The following MAGI2 variants were observed in gnomAD, a reference collection of about 807,000 sequenced individuals.
MAGI2 encodes membrane-associated guanylate kinase, WW and PDZ domain-containing protein 2.
A neutral mutation model predicts 133.3 loss-of-function variants in MAGI2; 35 were observed. That is an observed-to-expected ratio of 0.26 (90% confidence interval 0.20 to 0.35). MAGI2 has a LOEUF of 0.35. MAGI2 is among the 10% of genes least tolerant of loss of function. The probability of loss-of-function intolerance (pLI) is 1.00; values close to 1 mark genes in which losing one functional copy is unlikely to be tolerated. For missense variants in MAGI2, 1,636 were observed against 1,863.4 expected (o/e 0.88, Z 2.25); for synonymous variants, 729 against 710.6 (o/e 1.03, Z -0.41).
chr7:79,267,927 A>G (rs905399183), intron 1 of MAGI2, among the ~76,000 whole-genome samples: 1 of 152,164 alleles, frequency 6.6e-6, no homozygotes, highest in African/African-American at 2.4e-5. Flanking sequence ...TTCTCTTTGG[A>G]AATTAAATGG....
intron 2 of MAGI2, among the ~76,000 whole-genome samples, chr7:78,815,539 G>A (rs905687620): frequency 6.6e-6 from 1 of 151,826 alleles, no homozygotes; most frequent in Non-Finnish European, 1.5e-5. Context: ...AAGGTTTGTG[G>A]CAACTTTTCA....
At chr7:78,397,366 TACACACACACACACAC>T (rs71085528) in intron 6 of MAGI2, among the ~76,000 whole-genome samples, 3 of 147,704 alleles carry the variant, frequency 2.0e-5, no homozygotes, top group South Asian at 2.1e-4. Flanking sequence ...TTGAAATTCC[TACACACACACACACAC>T]ACACACACAC....
At chr7:78,344,262 A>G (rs544022436) in intron 8 of MAGI2, among the ~76,000 whole-genome samples, 37 of 152,200 alleles carry the variant, frequency 2.4e-4, no homozygotes, top group Non-Finnish European at 4.9e-4. Context: ...GGCTGTGTCA[A>G]CAGGCTGCCA....
At chr7:78,714,620 G>A (rs890880759) in intron 2 of MAGI2, among the ~76,000 whole-genome samples, 6 of 152,188 alleles carry the variant, frequency 3.9e-5, no homozygotes, top group Admixed American at 6.5e-5. Context: ...GTACCAGGGA[G>A]CAGAGTGTGT....
At chr7:79,003,538 T>A (rs2116484362) in intron 2 of MAGI2, among the ~76,000 whole-genome samples, 1 of 152,314 alleles carries the variant, frequency 6.6e-6, no homozygotes, top group African/African-American at 2.4e-5. Flanking sequence ...CCTTCTACGC[T>A]GCTGGGTTCA....
chr7:79,152,823 T>C lies in MAGI2; in HGVS notation c.302-145617A>G, dbSNP rs11971546. ...ATGCATGAGGTAGCAGTAGAGCTTA[T>C]TGTAGAGAACTTTCATCTCTATCTC... On this transcript the variant is annotated intron_variant, in intron 1 of 21. Coordinates refer to ENST00000354212, the MANE Select transcript of MAGI2 (RefSeq NM_012301.4). 6.1e-3 allele frequency among the ~76,000 whole-genome samples: 931 copies of C among 152,282 alleles called. 8 individuals are homozygous for C. Among genetic ancestry groups the C allele is most frequent in the African/African-American group, 0.021 (883 of 41,554 alleles).
chr7:78,875,046 T>C (rs1214389844), intron 2 of MAGI2, among the ~76,000 whole-genome samples: 1 of 151,942 alleles, frequency 6.6e-6, no homozygotes, highest in Non-Finnish European at 1.5e-5. Flanking sequence ...CAGATAGAAA[T>C]TAGGGACAAA....
intron 10 of MAGI2, among the ~76,000 whole-genome samples, chr7:78,223,174 T>G (rs531376234): frequency 6.6e-6 from 1 of 152,346 alleles, no homozygotes; most frequent in South Asian, 2.1e-4. Flanking sequence ...TTTAAGACTT[T>G]TGAGTTCTAA....
chr7:78,298,592 C>T (rs1486913204), intron 9 of MAGI2, among the ~76,000 whole-genome samples: 1 of 152,126 alleles, frequency 6.6e-6, no homozygotes, highest in Non-Finnish European at 1.5e-5. Context: ...CAACCTATGC[C>T]TTCTGGGTTC....
chr7:79,430,625 T>A (rs1215114705), intron 1 of MAGI2, among the ~76,000 whole-genome samples: 1 of 152,110 alleles, frequency 6.6e-6, no homozygotes, highest in East Asian at 1.9e-4. Flanking sequence ...TACCTAATCA[T>A]CTCCAAAACC....
At chr7:78,290,199 A>G (rs1398525538) in intron 9 of MAGI2, among the ~76,000 whole-genome samples, 1 of 152,234 alleles carries the variant, frequency 6.6e-6, no homozygotes, top group Non-Finnish European at 1.5e-5. Context: ...TGCTGTATTC[A>G]GGAGACCCAT....
intron 2 of MAGI2, among the ~76,000 whole-genome samples, chr7:78,865,352 A>G (rs1249848317): frequency 6.6e-6 from 1 of 152,170 alleles, no homozygotes; most frequent in Non-Finnish European, 1.5e-5. Context: ...GAGGAAGACC[A>G]TTAGTCAAGG....
chr7:78,896,416 G>A (rs2151582675), intron 2 of MAGI2, among the ~76,000 whole-genome samples: 1 of 151,772 alleles, frequency 6.6e-6, no homozygotes, highest in Non-Finnish European at 1.5e-5. Context: ...GCTTAAACAG[G>A]TAAAGCTCCT....
At chr7:78,450,726 G>A (rs544568578) in intron 6 of MAGI2, among the ~76,000 whole-genome samples, 6 of 152,138 alleles carry the variant, frequency 3.9e-5, no homozygotes, top group African/African-American at 1.4e-4. Context: ...TGGAAGGAGA[G>A]TAATTTCCAC....
intron 9 of MAGI2, among the ~76,000 whole-genome samples, chr7:78,292,220 G>A (rs2151044252): frequency 6.6e-6 from 1 of 152,162 alleles, no homozygotes; most frequent in East Asian, 1.9e-4. Flanking sequence ...AAGCTGATAA[G>A]CAACTTCAGC....
chr7:79,106,822 A>C (rs974885873), intron 1 of MAGI2, among the ~76,000 whole-genome samples: 2 of 152,148 alleles, frequency 1.3e-5, no homozygotes, highest in Non-Finnish European at 1.5e-5. Context: ...GTTTCATGTA[A>C]TCTCTGATCT....
At chr7:78,603,592 A>G (rs1204935544) in intron 3 of MAGI2, among the ~76,000 whole-genome samples, 1 of 152,152 alleles carries the variant, frequency 6.6e-6, no homozygotes, top group Non-Finnish European at 1.5e-5. Context: ...ACGCGATGTC[A>G]GCTCACTGCA....
At chr7:79,110,647 T>C (rs1818850536) in intron 1 of MAGI2, among the ~76,000 whole-genome samples, 2 of 152,194 alleles carry the variant, frequency 1.3e-5, no homozygotes, top group Admixed American at 1.3e-4. Flanking sequence ...TTTGAGTTAA[T>C]GTTGGAATGA....
chr7:79,326,114 T>C (rs1268704327), intron 1 of MAGI2, among the ~76,000 whole-genome samples: 3 of 152,162 alleles, frequency 2.0e-5, no homozygotes, highest in Non-Finnish European at 2.9e-5. Context: ...AATGTTTTAA[T>C]ACATACAAAA....
Sources: gnomAD v4.1 joint callset for allele counts (sites outside exome capture counted in the v4.1 genomes callset) on GRCh38, gnomAD v4.1.1 for gene constraint, MANE v1.5 for transcripts, NCBI Gene and HGNC (gene_info 2026-07-23, HGNC 2026-07-21) for gene names.